Variants in FH observed in about 807,000 individuals in gnomAD.
FH encodes the protein fumarate hydratase, also known as fumarate hydratase, mitochondrial.
A neutral mutation model predicts 49.4 loss-of-function variants in FH; 22 were observed. That is an observed-to-expected ratio of 0.45 (90% CI 0.32 to 0.64). The LOEUF (loss-of-function observed/expected upper bound fraction) is 0.64, where lower values mean the gene tolerates loss of function less well. FH is among the 30% of genes least tolerant of loss of function. The probability of loss-of-function intolerance (pLI) is 0.05; values close to 1 mark genes in which losing one functional copy is unlikely to be tolerated. For missense variants in FH, 526 were observed against 641.5 expected, an observed-to-expected ratio of 0.82 and a Z score of 1.95; for synonymous variants, 208 against 223.0, an observed-to-expected ratio of 0.93 and a Z score of 0.60.
intron 6 of FH, 139 bp from the exon 7 acceptor site, chr1:241,504,384 A>C (rs1252087620): frequency 1.3e-6 from 1 of 777,408 alleles, no homozygotes; most frequent in African/African-American, 1.8e-5. Flanking sequence ...CTTAAGACTC[A>C]AATTTTGTCT....
At chr1:241,505,754 C>T (rs1659912164) in intron 6 of FH, among the ~76,000 whole-genome samples, 1 of 152,278 alleles carries the variant, frequency 6.6e-6, no homozygotes, top group East Asian at 1.9e-4. Context: ...TAATTGAAAA[C>T]TAACTAGTAA....
At chr1:241,506,224 TACTC>T (rs1659927373) in intron 5 of FH, 56 bp from the exon 6 acceptor site, 1 of 1,304,532 alleles carries the variant, frequency 7.7e-7, no homozygotes. Flanking sequence ...GCTTACAAGT[TACTC>T]TAACTGCATT....
intron 2 of FH, among the ~76,000 whole-genome samples, chr1:241,515,236 G>T (rs1660184925): frequency 6.6e-6 from 1 of 152,084 alleles, no homozygotes. Flanking sequence ...ACAAAATCGA[G>T]ACCCCAGGTG....
chr1:241,498,631 CAG>C (rs1659683246), intron 9 of FH, among the ~76,000 whole-genome samples: 1 of 144,046 alleles, frequency 6.9e-6, no homozygotes, highest in South Asian at 2.2e-4. Context: ...CTGTTTACTT[CAG>C]AGTTATTTGC....
chr1:241,507,624 G>C (rs540818404), intron 5 of FH, among the ~76,000 whole-genome samples: 8 of 152,232 alleles, frequency 5.3e-5, no homozygotes, highest in African/African-American at 1.4e-4. Flanking sequence ...GGCCCAAATG[G>C]TATTTAGTAT....
chr1:241,509,813 ACACACACACACGCATG>A (rs1333504214), intron 4 of FH, among the ~76,000 whole-genome samples: 1 of 148,012 alleles, frequency 6.8e-6, no homozygotes. Context: ...ACACACACAC[ACACACACACACGCATG>A]CACACACACA....
rs1327816283 is a variant in FH at position 241,509,781 on chromosome 1, ACAC to A, written c.556-999_556-997del. ...ACAGAGTGAAGCACAATCTCTAAAC[ACAC>A]ACACACACACACACACACACACACA... On this transcript the variant is annotated intron_variant, in intron 4 of 9. Transcript: ENST00000366560. 1.8e-3 allele frequency among the ~76,000 whole-genome samples: 14 copies of A among 7,980 alleles called. 1 individual carries two copies. The South Asian group carries it at 0.025, about 14-fold the overall frequency. 5.2% of individuals were successfully genotyped at this position (7,980 alleles called of 152,430 possible).
intron 2 of FH, among the ~76,000 whole-genome samples, chr1:241,516,077 T>TA (rs1660203376): frequency 2.0e-5 from 3 of 152,178 alleles, no homozygotes; most frequent in South Asian, 2.1e-4. Context: ...AGTGTAATTT[T>TA]AAAAAATCTC....
intron 7 of FH, among the ~76,000 whole-genome samples, chr1:241,502,893 A>G (rs1191102029): frequency 6.6e-6 from 1 of 152,220 alleles, no homozygotes; most frequent in East Asian, 1.9e-4. Flanking sequence ...CTGCCCTCGC[A>G]GAACTTGGAG....
At chr1:241,509,405 A>C (rs1660019330) in intron 4 of FH, among the ~76,000 whole-genome samples, 1 of 152,182 alleles carries the variant, frequency 6.6e-6, no homozygotes, top group Non-Finnish European at 1.5e-5. Context: ...ATATTTAGCA[A>C]CTGGCAAACC....
intron 2 of FH, among the ~76,000 whole-genome samples, chr1:241,516,793 C>T (rs1660225415): frequency 6.6e-6 from 1 of 152,004 alleles, no homozygotes; most frequent in South Asian, 2.1e-4. Context: ...ATTGGGACTA[C>T]AGGCGCGCGC....
chr1:241,497,741 T>A lies in FH; in HGVS notation c.*87A>T, dbSNP rs936497490. Reference sequence around the variant, plus strand: ...GAGATGCTTAAGTTCAATAGCAGTTTCCTTTCAAACTTATCCGTTTTTAAG... The same window carrying A: ...GAGATGCTTAAGTTCAATAGCAGTTACCTTTCAAACTTATCCGTTTTTAAG... On this transcript the variant is annotated 3_prime_UTR_variant, in exon 10 of 10. Coordinates refer to ENST00000366560, the MANE Select transcript of FH (RefSeq NM_000143.4). 3.5e-5 allele frequency: 44 copies of A among 1,269,908 alleles called. No individual in the cohort carries two copies. The highest frequency in any genetic ancestry group is 4.7e-5 in the Non-Finnish European group (43 of 906,340). 78.7% of individuals were successfully genotyped at this position (1,269,908 alleles called of 1,614,324 possible).
At chr1:241,508,551 T>C (rs555246569) in intron 5 of FH, 52 bp downstream of exon 5, 2 of 1,486,074 alleles carry the variant, frequency 1.3e-6, no homozygotes, top group Non-Finnish European at 1.9e-6. Flanking sequence ...GATGACACAT[T>C]GGCCATTTGT....
intron 8 of FH, 60 bp from the exon 9 acceptor site, chr1:241,500,650 G>A (rs1659756284): frequency 1.8e-6 from 2 of 1,088,018 alleles, no homozygotes; most frequent in Admixed American, 1.9e-5. Context: ...ACATTACTAA[G>A]GCAACATGTT....
intron 2 of FH, 132 bp downstream of exon 2, chr1:241,517,050 C>T: frequency 9.3e-7 from 1 of 1,070,686 alleles, no homozygotes; most frequent in South Asian, 1.3e-5. Flanking sequence ...AAGAGAACCT[C>T]TTATTACTCA....
In FH at chr1:241,508,708, T is replaced by C. The variant is rs2147919592; in HGVS notation, c.633A>G (p.Leu211=). ...IEVHEVLLPG[L]QKLHDALDAK... is the part of the protein sequence containing the mutation. ...CATCAAGAGCATCATGTAACTTCTGTAGTCCTGGTAACAGTACTTCATGAA... is the reference window on the plus strand; with the variant it reads ...CATCAAGAGCATCATGTAACTTCTGCAGTCCTGGTAACAGTACTTCATGAA... The change falls in exon 5 of 10, where the codon CTA becomes CTG. Residue 211 remains leucine (L), a synonymous_variant. Transcript: ENST00000366560. 6.2e-7 allele frequency: 1 copy of C among 1,613,314 alleles called. No individual in the cohort carries two copies. Among genetic ancestry groups the C allele is most frequent in the South Asian group, 1.1e-5 (1 of 91,066 alleles).
At chr1:241,502,294 T>TC in intron 8 of FH, 149 bp downstream of exon 8, 1 of 840,494 alleles carries the variant, frequency 1.2e-6, no homozygotes, top group Non-Finnish European at 1.9e-6. Flanking sequence ...TCTAGGATTA[T>TC]TCTGGTAACT....
intron 3 of FH, 111 bp from the exon 4 acceptor site, chr1:241,512,254 T>G: frequency 1.2e-6 from 1 of 862,952 alleles, no homozygotes; most frequent in Non-Finnish European, 1.9e-6. Context: ...AAGCATCACT[T>G]GCTCCAACCA....
At chr1:241,511,182 C>T (rs145251470) in intron 4 of FH, among the ~76,000 whole-genome samples, 23 of 152,244 alleles carry the variant, frequency 1.5e-4, no homozygotes, top group Non-Finnish European at 2.5e-4. Flanking sequence ...CTCTCATGAA[C>T]GGAATTAGTG....
Sources: gnomAD v4.1 joint callset for allele counts (sites outside exome capture counted in the v4.1 genomes callset) on GRCh38, gnomAD v4.1.1 for gene constraint, MANE v1.5 for transcripts, NCBI Gene and HGNC (gene_info 2026-07-23, HGNC 2026-07-21) for gene names.